Variants in CEP63 observed in about 807,000 individuals in gnomAD.
CEP63 encodes centrosomal protein of 63 kDa.
CEP63 carries 84 observed loss-of-function variants against 89.1 expected under a neutral mutation model. That is an observed-to-expected ratio of 0.94 (90% CI 0.79 to 1.13). The LOEUF (loss-of-function observed/expected upper bound fraction) is 1.13, where lower values mean the gene tolerates loss of function less well. Among genes scored for constraint, CEP63 ranks in the 50% most tolerant of loss-of-function variants. The pLI is 0.00. For synonymous variants in CEP63, 267 were observed against 272.5 expected (o/e 0.98, Z 0.20); for missense variants, 838 against 813.3 (o/e 1.03, Z -0.37).
At chr3:134,610,096 C>T in the CEP63 span, 33 of 1,320,358 alleles carry the variant, frequency 2.5e-5, no homozygotes, top group African/African-American at 1.0e-4. Flanking sequence ...GCTCTCCTTC[C>T]CCTCCCGCTT....
the CEP63 span, among the ~76,000 whole-genome samples, chr3:134,707,184 G>T: frequency 1.3e-5 from 2 of 152,198 alleles, no homozygotes; most frequent in African/African-American, 4.8e-5. Context: ...TTCTGTCCTA[G>T]AGTGGTAAGT....
At chr3:134,649,910 G>A in the CEP63 span, among the ~76,000 whole-genome samples, 1 of 152,210 alleles carries the variant, frequency 6.6e-6, no homozygotes, top group Admixed American at 6.5e-5. Context: ...GGAGGAGAGA[G>A]GCAGAAGTCA....
the CEP63 span, among the ~76,000 whole-genome samples, chr3:134,611,168 C>T: frequency 2.0e-5 from 3 of 152,202 alleles, no homozygotes; most frequent in Non-Finnish European, 4.4e-5. Context: ...ATGGAAATGC[C>T]GACCAGTCAA....
downstream of CEP63, among the ~76,000 whole-genome samples, chr3:134,567,498 G>A (rs1957829094): frequency 6.7e-6 from 1 of 149,158 alleles, no homozygotes; most frequent in African/African-American, 2.5e-5. Flanking sequence ...CTGATGCATG[G>A]CAGCTCCTTA....
chr3:134,730,388 C>T, the CEP63 span, among the ~76,000 whole-genome samples: 1 of 152,062 alleles, frequency 6.6e-6, no homozygotes, highest in African/African-American at 2.4e-5. Context: ...GTTGGTAAGT[C>T]CACCTGGTTG....
the CEP63 span, among the ~76,000 whole-genome samples, chr3:134,772,519 T>C: frequency 6.6e-6 from 1 of 151,622 alleles, no homozygotes; most frequent in African/African-American, 2.4e-5. Flanking sequence ...TCCCCTCTTC[T>C]CCTCCATTTT....
chr3:134,523,873 C>T (rs927537307), intron 3 of CEP63, among the ~76,000 whole-genome samples: 3 of 152,066 alleles, frequency 2.0e-5, no homozygotes, highest in African/African-American at 7.2e-5. Flanking sequence ...GCTATTCAGG[C>T]TCTTTTTTGG....
chr3:134,497,380 G>GT (rs1292044631), intron 2 of CEP63, among the ~76,000 whole-genome samples: 1 of 151,782 alleles, frequency 6.6e-6, no homozygotes, highest in Non-Finnish European at 1.5e-5. Context: ...TTTTCTTTTT[G>GT]TTTTTTTAGA....
chr3:134,604,190 C>T, the CEP63 span: 2 of 1,611,616 alleles, frequency 1.2e-6, no homozygotes, highest in East Asian at 2.2e-5. Context: ...CCCATCTGCT[C>T]CGAGAACCAG....
At chr3:134,706,072 G>C in the CEP63 span, among the ~76,000 whole-genome samples, 1 of 152,196 alleles carries the variant, frequency 6.6e-6, no homozygotes, top group South Asian at 2.1e-4. Context: ...CACAAGGTAA[G>C]TGGAAGTAGG....
At chr3:134,515,296 A>C (rs1945974120) in intron 3 of CEP63, among the ~76,000 whole-genome samples, 1 of 152,228 alleles carries the variant, frequency 6.6e-6, no homozygotes, top group Non-Finnish European at 1.5e-5. Flanking sequence ...ATTAAGTACA[A>C]ATATTATGTA....
the CEP63 span, among the ~76,000 whole-genome samples, chr3:134,685,361 A>C: frequency 0.91 from 137,902 of 152,074 alleles, 63,233 homozygotes; most frequent in East Asian, 1. Context: ...GTGCAACGTG[A>C]ACACAAACAT....
At chr3:134,578,337 T>TTTTTTTTG (rs1553798192), downstream of CEP63, among the ~76,000 whole-genome samples, 1 of 42,452 alleles carries the variant, frequency 2.4e-5, no homozygotes. Context: ...TTTTTTTTTT[T>TTTTTTTTG]TTTTTTTTTT....
At chr3:134,543,625 C>T (rs537591078) in intron 6 of CEP63, among the ~76,000 whole-genome samples, 4 of 152,250 alleles carry the variant, frequency 2.6e-5, no homozygotes, top group East Asian at 3.9e-4. Flanking sequence ...GTAGCTATTA[C>T]AGTATTAAAA....
intron 6 of CEP63, 129 bp from the exon 7 acceptor site, chr3:134,545,457 T>C: frequency 1.4e-3 from 1 of 690 alleles, no homozygotes; most frequent in East Asian, 0.083. Context: ...CCCTTCGCAA[T>C]ATATATATAT....
chr3:134,626,740 G>T, the CEP63 span, among the ~76,000 whole-genome samples: 7 of 152,148 alleles, frequency 4.6e-5, no homozygotes, highest in Non-Finnish European at 8.8e-5. Context: ...CCCACTTATT[G>T]GGGAGCTGAC....
the CEP63 span, among the ~76,000 whole-genome samples, chr3:134,763,153 A>G: frequency 6.9e-6 from 1 of 145,936 alleles, no homozygotes; most frequent in African/African-American, 2.4e-5. Flanking sequence ...ATATGTATAC[A>G]TGTGCTCTGT....
rs149887557 is a variant in CEP63, at chr3:134,586,511, A to G, written c.1207-947A>G. Among the ~76,000 whole-genome samples the G allele has an allele frequency of 8.1e-3, 1,232 of 152,260 alleles. 2 individuals are homozygous for G. The highest frequency in any genetic ancestry group is 0.018 in the Admixed American group (279 of 15,304). ...GAAATTGTTTTCTTTAAGAATGTTGAATATTGGCCCCACTCTCTTCTGGCT... is the reference window on the plus strand; with the variant it reads ...GAAATTGTTTTCTTTAAGAATGTTGGATATTGGCCCCACTCTCTTCTGGCT... On this transcript the variant is annotated intron_variant, in intron 10 of 10. Coordinates refer to the CEP63 transcript ENST00000683931.
chr3:134,770,555 T>C, the CEP63 span, among the ~76,000 whole-genome samples: 1 of 152,256 alleles, frequency 6.6e-6, no homozygotes, highest in East Asian at 1.9e-4. Context: ...ATCTCTGATT[T>C]CACAATTTAA....
Sources: allele counts gnomAD v4.1 joint callset (sites outside exome capture counted in the v4.1 genomes callset), GRCh38; gene constraint gnomAD v4.1.1; transcripts MANE v1.5; gene names NCBI Gene and HGNC (gene_info 2026-07-23, HGNC 2026-07-21).